TDRD5: variants seen among roughly 807,000 people sequenced by gnomAD.
TDRD5 encodes the protein tudor domain-containing protein 5.
In TDRD5, 41 loss-of-function variants were observed where a neutral mutation model predicts 120.6. The observed-to-expected ratio is 0.34, with a 90% confidence interval of 0.26 to 0.44. The LOEUF is 0.44. Ranked by LOEUF, TDRD5 falls within the 20% of genes least tolerant of loss-of-function variation. TDRD5 has a pLI of 1.00. For synonymous variants in TDRD5, 430 were observed against 433.7 expected (o/e 0.99, Z 0.11); for missense variants, 1,006 against 1,221.2 (o/e 0.82, Z 2.63).
Position 179,635,857 on chromosome 1 carries a change from A to T in TDRD5, c.1490A>T (p.Glu497Val), listed in dbSNP as rs200373683. The T allele has an allele frequency of 1.2e-4, 189 of 1,613,600 alleles. No individual in the cohort carries two copies. The highest frequency in any genetic ancestry group is 1.2e-4 in the Non-Finnish European group (146 of 1,179,980). The change falls in exon 9 of 18, where the codon GAG (glutamate) becomes GTG (valine). Residue 497 changes from glutamate to valine, a missense_variant. Transcript: ENST00000444136. ...YIRIYSRDSSELLEDMMIEMR... is the reference protein window; with the variant it reads ...YIRIYSRDSSVLLEDMMIEMR... The stretch of plus-strand genomic sequence containing the variant: ...CGGATCTATAGCAGGGATTCGTCAG[A>T]GTTACTCGAAGACATGATGATTGAA...
At chr1:179,608,458 C>A (rs1676107420) in intron 4 of TDRD5, among the ~76,000 whole-genome samples, 1 of 151,918 alleles carries the variant, frequency 6.6e-6, no homozygotes, top group South Asian at 2.1e-4. Context: ...CATTACAATT[C>A]TCTTTTTTCC....
chr1:179,640,032 T>C lies in TDRD5; in HGVS notation c.1714T>C (p.Ser572Pro). The part of the protein sequence containing the change: ...DFGNIGIVQK[S>P]SLRFLKCCYT... ...TGGAAATATTGGAATTGTTCAGAAG[T>C]CCTCCCTGAGGTTCCTCAAGTGAGT... Residue 572 changes from serine (S) to proline (P), a missense_variant, in exon 10 of 18, where the codon TCC (serine) becomes CCC (proline). This residue lies in a region of TDRD5 where 158 missense variants were observed against 257.5 expected (regional missense o/e 0.61). Transcript: ENST00000444136. 6.2e-7 allele frequency: 1 copy of C among 1,614,090 alleles called. No homozygotes were observed. Among genetic ancestry groups the C allele is most frequent in the Non-Finnish European group, 8.5e-7 (1 of 1,180,000 alleles).
chr1:179,610,278 T>C (rs1478313847), intron 4 of TDRD5, among the ~76,000 whole-genome samples: 1 of 152,186 alleles, frequency 6.6e-6, no homozygotes, highest in African/African-American at 2.4e-5. Context: ...AATTTTCCTA[T>C]TTTTAGATTA....
Position 179,663,522 on chromosome 1 carries a change from G to A in TDRD5, c.2649+31G>A, listed in dbSNP as rs777520560. The A allele has an allele frequency of 1.1e-5, 18 of 1,578,424 alleles. No homozygotes were observed. In the South Asian group the frequency reaches 1.9e-4, roughly 17 times the overall value. Reference sequence around the variant, plus strand: ...TGTCTAATGCAGGTTATTGGGACAGGTTTGCATAAGGAAGTCCTTTCATTT... The same window carrying A: ...TGTCTAATGCAGGTTATTGGGACAGATTTGCATAAGGAAGTCCTTTCATTT... On this transcript the variant is annotated intron_variant, in intron 16 of 17. Coordinates refer to ENST00000444136, the MANE Select transcript of TDRD5 (RefSeq NM_001199085.3).
intron 16 of TDRD5, among the ~76,000 whole-genome samples, chr1:179,668,112 T>G (rs556210966): frequency 4.6e-5 from 7 of 152,336 alleles, no homozygotes; most frequent in African/African-American, 1.7e-4. Context: ...TAGAGTACAC[T>G]TACTTCAGCA....
intron 5 of TDRD5, among the ~76,000 whole-genome samples, chr1:179,620,559 T>A (rs895560192): frequency 2.6e-5 from 4 of 152,170 alleles, no homozygotes; most frequent in Admixed American, 2.6e-4. Context: ...GCTATAGAAA[T>A]ATTGACCTTG....
chr1:179,650,051 G>A (rs1678623639), intron 11 of TDRD5, among the ~76,000 whole-genome samples: 1 of 152,070 alleles, frequency 6.6e-6, no homozygotes, highest in Non-Finnish European at 1.5e-5. Flanking sequence ...TTTAATGAAG[G>A]AAAGTTCTCC....
At chr1:179,685,678 G>A (rs1680665874) in intron 17 of TDRD5, among the ~76,000 whole-genome samples, 1 of 152,162 alleles carries the variant, frequency 6.6e-6, no homozygotes, top group Non-Finnish European at 1.5e-5. Flanking sequence ...CCATGAGCAT[G>A]GATTGTTCTT....
Position 179,679,664 on chromosome 1 carries a change from T to C in TDRD5, c.2860+10260T>C, listed in dbSNP as rs1680321921. ...TTATTAACATAAATTTTCATATTATTCCCTTATTTTAATATCTGTAGATAT... is the reference window on the plus strand; with the variant it reads ...TTATTAACATAAATTTTCATATTATCCCCTTATTTTAATATCTGTAGATAT... On this transcript the variant is annotated intron_variant, in intron 17 of 17. Coordinates refer to ENST00000444136, the MANE Select transcript of TDRD5 (RefSeq NM_001199085.3). Among the ~76,000 whole-genome samples, 4 of 152,060 alleles carry C rather than the reference T, an allele frequency of 2.6e-5. 1 individual carries two copies. Among genetic ancestry groups the C allele is most frequent in the Admixed American group, 2.6e-4 (4 of 15,262 alleles).
At chr1:179,599,129 G>A (rs1590783) in intron 4 of TDRD5, among the ~76,000 whole-genome samples, 1 of 151,784 alleles carries the variant, frequency 6.6e-6, no homozygotes, top group African/African-American at 2.4e-5. Context: ...TAGGACTTTT[G>A]TTTTTTAAAA....
intron 17 of TDRD5, among the ~76,000 whole-genome samples, chr1:179,687,980 A>G (rs1197572651): frequency 6.6e-6 from 1 of 151,064 alleles, no homozygotes; most frequent in African/African-American, 2.4e-5. Flanking sequence ...CACACTGATG[A>G]GTCTTTATTC....
chr1:179,592,257 C>A (rs1374089581), intron 1 of TDRD5, 132 bp downstream of exon 1: 7 of 206,934 alleles, frequency 3.4e-5, no homozygotes, highest in Non-Finnish European at 4.9e-5. Context: ...AGGGCGGAGG[C>A]GGCATTGCGT....
At chr1:179,688,737 T>C (rs1680908280) in intron 17 of TDRD5, among the ~76,000 whole-genome samples, 1 of 152,204 alleles carries the variant, frequency 6.6e-6, no homozygotes, top group Non-Finnish European at 1.5e-5. Flanking sequence ...GGAGGCTTTG[T>C]TCATTTCTTT....
At chr1:179,600,469 C>A (rs1675646746) in intron 4 of TDRD5, among the ~76,000 whole-genome samples, 1 of 152,128 alleles carries the variant, frequency 6.6e-6, no homozygotes, top group South Asian at 2.1e-4. Context: ...TAAGGTTATA[C>A]CATCTAGGTC....
intron 4 of TDRD5, among the ~76,000 whole-genome samples, chr1:179,604,472 A>G (rs1184280851): frequency 1.3e-5 from 2 of 151,854 alleles, no homozygotes; most frequent in African/African-American, 4.8e-5. Context: ...TGACCTTAGA[A>G]TGTCAGTTTG....
At chr1:179,668,436 T>C (rs1398892310) in intron 16 of TDRD5, among the ~76,000 whole-genome samples, 1 of 152,160 alleles carries the variant, frequency 6.6e-6, no homozygotes, top group Non-Finnish European at 1.5e-5. Context: ...CTGATGGACA[T>C]TGGATAACTT....
chr1:179,595,758 G>T lies in TDRD5; in HGVS notation c.771G>T (p.Lys257Asn), dbSNP rs1230298737. 2 of 1,613,792 alleles carry T rather than the reference G, an allele frequency of 1.2e-6. No homozygotes were observed. Among genetic ancestry groups the T allele is most frequent in the East Asian group, 2.2e-5 (1 of 44,866 alleles). ...CGAAGCAAATAATGAGCATGGAAAA[G>T]ACTTCCAAGTTAAATGTAGTGGAGA... Reference protein sequence around the residue: ...EPPKQIMSMEKTSKLNVVETS... With the variant: ...EPPKQIMSMENTSKLNVVETS... Residue 257 changes from lysine to asparagine, a missense_variant, in exon 4 of 18, where the codon AAG becomes AAT. Lys to Asn is a moderately conservative substitution (Grantham distance 94). Coordinates refer to ENST00000444136, the MANE Select transcript of TDRD5 (RefSeq NM_001199085.3).
intron 4 of TDRD5, among the ~76,000 whole-genome samples, chr1:179,601,288 G>A (rs1227571472): frequency 6.6e-6 from 1 of 152,082 alleles, no homozygotes; most frequent in Non-Finnish European, 1.5e-5. Context: ...TTTTCCACAG[G>A]TGGTTGAGGT....
intron 4 of TDRD5, among the ~76,000 whole-genome samples, chr1:179,612,063 A>G (rs914305218): frequency 2.0e-5 from 3 of 152,226 alleles, no homozygotes; most frequent in African/African-American, 4.8e-5. Context: ...TCAAAACTCT[A>G]CAAGTTTGTG....
Sources: allele counts gnomAD v4.1 joint callset (sites outside exome capture counted in the v4.1 genomes callset), GRCh38; gene constraint gnomAD v4.1.1; regional missense constraint gnomAD v4.1.1; transcripts MANE v1.5; gene names NCBI Gene and HGNC (gene_info 2026-07-23, HGNC 2026-07-21).